The following PDZRN3 variants were observed in gnomAD, a reference collection of about 807,000 sequenced individuals.
PDZRN3 encodes E3 ubiquitin-protein ligase PDZRN3.
Under a neutral mutation model 85.7 loss-of-function variants are expected in PDZRN3, and 38 were observed. That is an observed-to-expected ratio of 0.44 (90% CI 0.34 to 0.58). The LOEUF (loss-of-function observed/expected upper bound fraction) is 0.58, where lower values mean the gene tolerates loss of function less well. PDZRN3 is among the 20% of genes least tolerant of loss of function. PDZRN3 has a pLI of 0.01. For synonymous variants in PDZRN3, 759 were observed against 638.0 expected, an observed-to-expected ratio of 1.19 and a Z score of -2.86; for missense variants, 1,629 against 1,506.4, an observed-to-expected ratio of 1.08 and a Z score of -1.35.
chr3:73,543,114 A>T (rs1300240374), intron 3 of PDZRN3, among the ~76,000 whole-genome samples: 4 of 152,240 alleles, frequency 2.6e-5, no homozygotes, highest in Non-Finnish European at 4.4e-5. Flanking sequence ...AACCCCAAGG[A>T]TTCAGGATTG....
In PDZRN3 at chr3:73,383,678, G is replaced by GCGTCGT; in HGVS notation, c.2882_2887dup (p.Asp961_Asp962dup). On this transcript the variant is annotated inframe_insertion, in exon 10 of 10. Transcript: ENST00000263666. Reference sequence around the variant, plus strand: ...GCGCCCCATCTTCATCTCGCTCACCGCGTCGTCGTCGGTGGTCATGCCGCT... The same window carrying GCGTCGT: ...GCGCCCCATCTTCATCTCGCTCACCGCGTCGTCGTCGTCGTCGGTGGTCATGCCGCT... 2 of 1,612,104 alleles carry GCGTCGT rather than the reference G, an allele frequency of 1.2e-6. No individual in the cohort carries two copies. Among genetic ancestry groups the GCGTCGT allele is most frequent in the Non-Finnish European group, 1.7e-6 (2 of 1,180,022 alleles).
chr3:73,439,985 ACCTCAG>A (rs1220650145), intron 3 of PDZRN3, among the ~76,000 whole-genome samples: 1 of 150,886 alleles, frequency 6.6e-6, no homozygotes, highest in Admixed American at 6.6e-5. Context: ...TAATCCACCC[ACCTCAG>A]CCTCCCAAAG....
At position 73,422,744 on chromosome 3, in the gene PDZRN3, C is replaced by G. The variant is rs1702229782; in HGVS notation, c.919-18349G>C. Among the ~76,000 whole-genome samples, 5 of 152,112 alleles carry G rather than the reference C, an allele frequency of 3.3e-5. 1 individual carries two copies. In the South Asian group the frequency reaches 1.0e-3, roughly 32 times the overall value. ...TGGGGAACAGCCACTACTTCCTGTT[C>G]CAATCCATGGCGCAACTTGGAACAA... is the stretch of plus-strand genomic sequence containing the variant. On this transcript the variant is annotated intron_variant, in intron 3 of 9. Transcript: ENST00000263666.
At chr3:73,549,700 T>C (rs531022126) in intron 3 of PDZRN3, among the ~76,000 whole-genome samples, 2 of 152,282 alleles carry the variant, frequency 1.3e-5, no homozygotes, top group South Asian at 2.1e-4. Context: ...GAAATGGATA[T>C]GTCTCATCAC....
chr3:73,460,510 G>GA (rs1014804586), intron 3 of PDZRN3, among the ~76,000 whole-genome samples: 2 of 152,100 alleles, frequency 1.3e-5, no homozygotes, highest in Non-Finnish European at 2.9e-5. Context: ...CCATCCACTG[G>GA]AAACGACAGG....
Position 73,384,304 on chromosome 3 carries a change from G to C in PDZRN3, c.2262C>G (p.Ser754Arg). 6.2e-7 allele frequency: 1 copy of C among 1,612,600 alleles called. No individual in the cohort carries two copies. The highest frequency in any genetic ancestry group is 8.5e-7 in the Non-Finnish European group (1 of 1,180,024). ...TCTCGCCTGTGTTGTAGGCGCTCGA[G>C]CTGTCCTTGTCGGATTTCTCCGGGA... ...TELPEKSDKDSSSAYNTGESC... is the reference protein window; with the variant it reads ...TELPEKSDKDRSSAYNTGESC... The change falls in exon 10 of 10, where the codon AGC becomes AGG. Residue 754 changes from serine to arginine, a missense_variant. By Grantham distance (110) the Ser-to-Arg change is moderately radical. Transcript: ENST00000263666.
At chr3:73,518,682 C>T (rs887415027) in intron 3 of PDZRN3, among the ~76,000 whole-genome samples, 2 of 152,118 alleles carry the variant, frequency 1.3e-5, no homozygotes, top group African/African-American at 4.8e-5. Flanking sequence ...GATCAAGGCA[C>T]TGGAAGATTT....
chr3:73,484,026 G>A (rs1476964665), intron 3 of PDZRN3, among the ~76,000 whole-genome samples: 2 of 152,068 alleles, frequency 1.3e-5, no homozygotes, highest in African/African-American at 2.4e-5. Flanking sequence ...AAAAGTGGAG[G>A]GACGTAGAAT....
chr3:73,412,423 A>T (rs1417965916), intron 3 of PDZRN3, among the ~76,000 whole-genome samples: 1 of 152,214 alleles, frequency 6.6e-6, no homozygotes, highest in African/African-American at 2.4e-5. Context: ...CCATCAATGG[A>T]ATTGTTATCA....
At chr3:73,467,750 CTATT>C (rs1703250154) in intron 3 of PDZRN3, among the ~76,000 whole-genome samples, 3 of 152,278 alleles carry the variant, frequency 2.0e-5, no homozygotes, top group Middle Eastern at 3.4e-3. Flanking sequence ...GCTATTCCCT[CTATT>C]TATGACAAGC....
chr3:73,458,039 C>T (rs1176965154), intron 3 of PDZRN3, among the ~76,000 whole-genome samples: 2 of 152,182 alleles, frequency 1.3e-5, no homozygotes, highest in African/African-American at 2.4e-5. Flanking sequence ...ACTGGAGAGA[C>T]AGGCACACAG....
rs188589084 is a variant in PDZRN3 at position 73,397,883 on chromosome 3, G to A, written c.1254+3039C>T. 2.5e-3 allele frequency among the ~76,000 whole-genome samples: 385 copies of A among 152,300 alleles called. 3 individuals are homozygous for A. Among genetic ancestry groups the A allele is most frequent in the Middle Eastern group, 6.8e-3 (2 of 292 alleles). The stretch of plus-strand genomic sequence containing the variant: ...TACTCTAGGGTAACCATTCAAAGGG[G>A]CTAGAGATGGAGAATGCCCTTATTC... On this transcript the variant is annotated intron_variant, in intron 5 of 9. Transcript: ENST00000263666.
chr3:73,503,050 T>C (rs931354614), intron 3 of PDZRN3, among the ~76,000 whole-genome samples: 1 of 152,204 alleles, frequency 6.6e-6, no homozygotes, highest in South Asian at 2.1e-4. Context: ...CTATCATGGA[T>C]AGTAGTTTTG....
intron 3 of PDZRN3, among the ~76,000 whole-genome samples, chr3:73,468,444 CTTT>C (rs112221676): frequency 4.1e-5 from 6 of 146,266 alleles, no homozygotes. Flanking sequence ...GTCGCTTACT[CTTT>C]TTTTTTTTCT....
At chr3:73,545,968 C>T (rs933002910) in intron 3 of PDZRN3, among the ~76,000 whole-genome samples, 10 of 152,248 alleles carry the variant, frequency 6.6e-5, no homozygotes, top group Non-Finnish European at 1.5e-4. Flanking sequence ...GGCTCTGCCA[C>T]TCCCTTTTAC....
At chr3:73,474,427 T>TA in intron 3 of PDZRN3, 1 of 1,204,448 alleles carries the variant, frequency 8.3e-7, no homozygotes, top group Non-Finnish European at 1.1e-6. Flanking sequence ...TCTTATTCAT[T>TA]AAAAAAGGTG....
intron 3 of PDZRN3, among the ~76,000 whole-genome samples, chr3:73,425,775 A>G (rs1440114270): frequency 6.6e-6 from 1 of 152,172 alleles, no homozygotes; most frequent in African/African-American, 2.4e-5. Context: ...ACTTCTAGAA[A>G]TGTACACTAA....
chr3:73,542,308 G>C (rs1704942698), intron 3 of PDZRN3, among the ~76,000 whole-genome samples: 1 of 152,190 alleles, frequency 6.6e-6, no homozygotes, highest in African/African-American at 2.4e-5. Flanking sequence ...AGGATTGTTT[G>C]TTTACATGGT....
In PDZRN3 at chr3:73,382,610, T is replaced by C. The variant is rs1456905284; in HGVS notation, c.*755A>G. On this transcript the variant is annotated 3_prime_UTR_variant, in exon 10 of 10. Coordinates refer to ENST00000263666, the MANE Select transcript of PDZRN3 (RefSeq NM_015009.3). ...TCAAATCTACAAAGCAAAAGTTTAC[T>C]ACAATGAGCACTTAAAATTCCACAA... 6.5e-6 allele frequency: 1 copy of C among 152,700 alleles called. No individual in the cohort carries two copies. Among genetic ancestry groups the C allele is most frequent in the East Asian group, 1.9e-4 (1 of 5,202 alleles). 9.5% of individuals were successfully genotyped at this position (152,700 alleles called of 1,614,324 possible). A position where few individuals can be genotyped will look rare whatever the true frequency, so the allele number is the denominator to read the frequency against.
Sources: allele counts gnomAD v4.1 joint callset (sites outside exome capture counted in the v4.1 genomes callset), GRCh38; gene constraint gnomAD v4.1.1; transcripts MANE v1.5; gene names NCBI Gene and HGNC (gene_info 2026-07-23, HGNC 2026-07-21).